The following APBB2 variants were observed in gnomAD, a reference collection of about 807,000 sequenced individuals.
APBB2 encodes the protein Fe65-like 1.
Under a neutral mutation model 82.5 loss-of-function variants are expected in APBB2, and 38 were observed. The ratio of observed to expected loss-of-function variants is 0.46; its 90% confidence interval spans 0.36 to 0.60. The LOEUF (loss-of-function observed/expected upper bound fraction) is 0.60. Ranked by LOEUF, APBB2 falls within the 20% of genes least tolerant of loss-of-function variation. The pLI is 0.00. For missense variants in APBB2, 772 were observed against 972.3 expected (o/e 0.79, Z 2.74); for synonymous variants, 341 against 368.2 (o/e 0.93, Z 0.85).
intron 12 of APBB2, chr4:40,880,590 A>ACT (rs1768190551): frequency 1.0e-6 from 1 of 985,260 alleles, no homozygotes; most frequent in Admixed American, 6.2e-5. Context: ...TACTCAAATG[A>ACT]CTCTTCTTTT....
intron 6 of APBB2, among the ~76,000 whole-genome samples, chr4:40,991,444 C>A (rs1273985956): frequency 3.9e-5 from 6 of 152,036 alleles, no homozygotes; most frequent in Non-Finnish European, 2.9e-5. Flanking sequence ...AAAATTAAGA[C>A]TATAACTTTC....
In APBB2 at chr4:40,993,364, T is replaced by C. The variant is rs868298452; in HGVS notation, c.835+20219A>G. Among the ~76,000 whole-genome samples the C allele has an allele frequency of 1.1e-3, 164 of 146,166 alleles. No homozygotes were observed. In the South Asian group the frequency reaches 0.012, roughly 11 times the overall value. Reference sequence around the variant, plus strand: ...GAGCAATTAAGAACTCTTCTCTCTTTTTTTTTTTTTTTTTTTTTTTTAACA... The same window carrying C: ...GAGCAATTAAGAACTCTTCTCTCTTCTTTTTTTTTTTTTTTTTTTTTAACA... On this transcript the variant is annotated intron_variant, in intron 6 of 17. Coordinates refer to ENST00000508593, the MANE Select transcript of APBB2 (RefSeq NM_004307.2).
chr4:41,077,852 A>G (rs1160278353), intron 3 of APBB2, among the ~76,000 whole-genome samples: 1 of 152,206 alleles, frequency 6.6e-6, no homozygotes, highest in African/African-American at 2.4e-5. Context: ...CATAGGCCTC[A>G]AGAGTAAACA....
At chr4:41,087,287 G>C (rs1740110980) in intron 3 of APBB2, among the ~76,000 whole-genome samples, 1 of 152,138 alleles carries the variant, frequency 6.6e-6, no homozygotes, top group Non-Finnish European at 1.5e-5. Flanking sequence ...GTTTTCTGTA[G>C]AAACGGAAAA....
At chr4:41,011,759 T>G (rs958803863) in intron 6 of APBB2, among the ~76,000 whole-genome samples, 2 of 152,038 alleles carry the variant, frequency 1.3e-5, no homozygotes, top group African/African-American at 4.8e-5. Flanking sequence ...TGCGGATCTA[T>G]GACTCAAACA....
At chr4:40,951,214 C>T (rs1177240601) in intron 6 of APBB2, among the ~76,000 whole-genome samples, 7 of 151,456 alleles carry the variant, frequency 4.6e-5, no homozygotes, top group South Asian at 2.1e-4. Context: ...GCAGGACCAT[C>T]GACGCTCCCT....
chr4:40,928,409 CACACACACACACACACACA>C (rs1398076220), intron 10 of APBB2, among the ~76,000 whole-genome samples: 1 of 68,958 alleles, frequency 1.5e-5, no homozygotes, highest in Non-Finnish European at 2.8e-5. Context: ...CACACACACA[CACACACACACACACACACA>C]ATCAGCCAGG....
intron 10 of APBB2, among the ~76,000 whole-genome samples, chr4:40,894,871 G>A (rs929249320): frequency 7.2e-5 from 11 of 152,144 alleles, no homozygotes; most frequent in Admixed American, 3.9e-4. Context: ...CAGGGTTGCC[G>A]CATGCCTGAG....
In APBB2 at chr4:41,013,593, C is replaced by T. The variant is rs1325619270; in HGVS notation, c.825G>A (p.Pro275=). 1.1e-5 allele frequency: 18 copies of T among 1,613,426 alleles called. No homozygotes were observed. The highest frequency in any genetic ancestry group is 2.2e-5 in the South Asian group (2 of 91,072). ...LSQDSASPSS[P]DETADIWSDH... ...CTTCCCCAGGGGTACCTGTTTCATC[C>T]GGGGAGCTGGGTGAGGCACTGTCTT... The change falls in exon 6 of 18, where the codon CCG becomes CCA. Residue 275 remains proline, a synonymous_variant. Coordinates refer to ENST00000508593, the MANE Select transcript of APBB2 (RefSeq NM_004307.2).
intron 1 of APBB2, among the ~76,000 whole-genome samples, chr4:41,168,962 G>A (rs747255835): frequency 1.3e-4 from 19 of 151,798 alleles, no homozygotes; most frequent in Non-Finnish European, 2.5e-4. Context: ...TGAGGTGGGC[G>A]GATCACAAGG....
chr4:40,990,914 A>G (rs1045808712), intron 6 of APBB2, among the ~76,000 whole-genome samples: 4 of 152,086 alleles, frequency 2.6e-5, no homozygotes, highest in Non-Finnish European at 5.9e-5. Context: ...TGGAGGAAAA[A>G]GAAAGGAAGG....
intron 10 of APBB2, among the ~76,000 whole-genome samples, chr4:40,928,371 C>T (rs1345319810): frequency 6.7e-6 from 1 of 148,388 alleles, no homozygotes; most frequent in Non-Finnish European, 1.5e-5. Flanking sequence ...GATGAAACAA[C>T]ATCTCTACTA....
rs1349753072 is a variant in APBB2, at chr4:41,160,032, GAAGAAA to G, written c.-416-16896_-416-16891del. Among the ~76,000 whole-genome samples, 287 of 146,198 alleles carry G rather than the reference GAAGAAA, an allele frequency of 2.0e-3. 13 individuals are homozygous for G. Among genetic ancestry groups the G allele is most frequent in the African/African-American group, 7.3e-3 (272 of 37,156 alleles). On this transcript the variant is annotated intron_variant, in intron 1 of 17. Coordinates refer to ENST00000508593, the MANE Select transcript of APBB2 (RefSeq NM_004307.2). ...AGAAGAAGAAGAAGAAGAAGAAGAA[GAAGAAA>G]ACATCACAGGATGCTGTTTTGCGGA... is the stretch of plus-strand genomic sequence containing the variant.
chr4:41,180,866 T>C (rs148434352), intron 1 of APBB2, among the ~76,000 whole-genome samples: 2 of 152,286 alleles, frequency 1.3e-5, no homozygotes, highest in East Asian at 1.9e-4. Context: ...GTTTTCATTG[T>C]ATAGTTTAAT....
At chr4:40,994,029 C>T (rs374061247) in intron 6 of APBB2, among the ~76,000 whole-genome samples, 2 of 152,114 alleles carry the variant, frequency 1.3e-5, no homozygotes, top group East Asian at 1.9e-4. Context: ...GTAGCTCACA[C>T]CTGTAATCCC....
chr4:41,062,791 G>A (rs1309185568), intron 4 of APBB2, among the ~76,000 whole-genome samples: 2 of 152,192 alleles, frequency 1.3e-5, no homozygotes, highest in African/African-American at 2.4e-5. Context: ...CAGGTAGCAC[G>A]TTTCTGGCAC....
intron 3 of APBB2, among the ~76,000 whole-genome samples, chr4:41,092,518 G>A (rs139451677): frequency 0.013 from 1,914 of 152,048 alleles, 34 homozygotes; most frequent in African/African-American, 0.044. Context: ...GTGAAACCTC[G>A]TCTCCACTAA....
At chr4:40,982,060 C>G (rs1369320336) in intron 6 of APBB2, among the ~76,000 whole-genome samples, 1 of 151,180 alleles carries the variant, frequency 6.6e-6, no homozygotes, top group Non-Finnish European at 1.5e-5. Flanking sequence ...TAGCACATGC[C>G]TGTAATCCCA....
intron 10 of APBB2, among the ~76,000 whole-genome samples, chr4:40,904,315 A>C (rs1578317092): frequency 6.6e-6 from 1 of 152,034 alleles, no homozygotes; most frequent in East Asian, 1.9e-4. Context: ...CTTGTAGTGC[A>C]AGCTACTTGG....
Sources: allele counts gnomAD v4.1 joint callset (sites outside exome capture counted in the v4.1 genomes callset), GRCh38; gene constraint gnomAD v4.1.1; transcripts MANE v1.5; gene names NCBI Gene and HGNC (gene_info 2026-07-23, HGNC 2026-07-21).